Variants in DAB1 observed in about 807,000 individuals in gnomAD.
The protein encoded by DAB1 is DAB adaptor protein 1.
In DAB1, 15 loss-of-function variants were observed where a neutral mutation model predicts 64.6. That is an observed-to-expected ratio of 0.23 (90% CI 0.16 to 0.36). The LOEUF (loss-of-function observed/expected upper bound fraction) is 0.36, where lower values mean the gene tolerates loss of function less well. Among genes scored for constraint, DAB1 ranks in the 10% least tolerant of loss-of-function variants. The probability of loss-of-function intolerance (pLI) is 1.00; values close to 1 mark genes in which losing one functional copy is unlikely to be tolerated. For missense variants in DAB1, 596 were observed against 706.7 expected (o/e 0.84, Z 1.78); for synonymous variants, 235 against 251.9 (o/e 0.93, Z 0.64).
intron 2 of DAB1, among the ~76,000 whole-genome samples, chr1:57,166,402 A>G (rs1271942372): frequency 1.3e-5 from 2 of 152,204 alleles, no homozygotes; most frequent in Admixed American, 6.5e-5. Context: ...AGGCCTTTGT[A>G]TAACCTCGAG....
At chr1:57,823,275 G>T (rs576749182), downstream of DAB1, among the ~76,000 whole-genome samples, 1 of 151,902 alleles carries the variant, frequency 6.6e-6, no homozygotes, top group East Asian at 1.9e-4. Context: ...GAGCCACTGC[G>T]CCCAGCTGAA....
intron 4 of DAB1, among the ~76,000 whole-genome samples, chr1:58,220,909 T>C (rs748607295): frequency 7.1e-4 from 107 of 151,750 alleles, no homozygotes; most frequent in Admixed American, 2.3e-3. Context: ...ATTATCAATG[T>C]GAATACATTT....
intron 1 of DAB1, among the ~76,000 whole-genome samples, chr1:57,337,559 A>G (rs1230816858): frequency 6.6e-6 from 1 of 151,828 alleles, no homozygotes; most frequent in Non-Finnish European, 1.5e-5. Flanking sequence ...TGTCTCTCCT[A>G]TGTTTTTTTT....
chr1:57,248,727 G>A (rs1014549154), intron 2 of DAB1, among the ~76,000 whole-genome samples: 1 of 152,172 alleles, frequency 6.6e-6, no homozygotes, highest in African/African-American at 2.4e-5. Context: ...AATGAAGCAG[G>A]AAGGTCTCCT....
chr1:57,360,893 A>T (rs955638484), intron 1 of DAB1, among the ~76,000 whole-genome samples: 2 of 152,254 alleles, frequency 1.3e-5, no homozygotes, highest in Admixed American at 6.5e-5. Context: ...AATTCTGTTT[A>T]TCCATTATTT....
chr1:58,314,041 C>A (rs1253897115), intron 4 of DAB1, among the ~76,000 whole-genome samples: 1 of 152,108 alleles, frequency 6.6e-6, no homozygotes, highest in East Asian at 1.9e-4. Context: ...TTTTTCTTTG[C>A]CTCAGTCTCC....
intron 6 of DAB1, among the ~76,000 whole-genome samples, chr1:57,736,766 T>G (rs1647710927): frequency 6.6e-6 from 1 of 152,138 alleles, no homozygotes; most frequent in Admixed American, 6.5e-5. Flanking sequence ...TCTCACTCTT[T>G]CCATCTCCCT....
intron 4 of DAB1, among the ~76,000 whole-genome samples, chr1:57,107,283 G>C (rs1197208720): frequency 1.3e-5 from 2 of 151,746 alleles, no homozygotes; most frequent in East Asian, 3.9e-4. Flanking sequence ...GCTGAGGCAG[G>C]AGAATCGCTT....
At chr1:57,389,601 C>T (rs1161579844) in intron 1 of DAB1, among the ~76,000 whole-genome samples, 1 of 151,978 alleles carries the variant, frequency 6.6e-6, no homozygotes, top group Non-Finnish European at 1.5e-5. Context: ...CTGGGTCCAA[C>T]TCAACAAAAG....
chr1:58,311,618 G>C (rs1465347242), intron 4 of DAB1, among the ~76,000 whole-genome samples: 2 of 152,110 alleles, frequency 1.3e-5, no homozygotes, highest in East Asian at 3.9e-4. Flanking sequence ...TGGTTGGCCT[G>C]GGTGTGACTT....
At chr1:57,227,704 G>A (rs112806113) in intron 2 of DAB1, among the ~76,000 whole-genome samples, 2,463 of 152,140 alleles carry the variant, frequency 0.016, 56 homozygotes, top group African/African-American at 0.054. Flanking sequence ...CTACAGGTGT[G>A]CACCATTACA....
At chr1:58,404,473 T>C (rs1644598611) in intron 3 of DAB1, among the ~76,000 whole-genome samples, 2 of 152,204 alleles carry the variant, frequency 1.3e-5, no homozygotes, top group Non-Finnish European at 2.9e-5. Context: ...GATCATCACA[T>C]AGCCTCACAG....
At chr1:58,188,011 C>T (rs552142965) in intron 4 of DAB1, among the ~76,000 whole-genome samples, 3 of 151,728 alleles carry the variant, frequency 2.0e-5, no homozygotes, top group African/African-American at 4.8e-5. Flanking sequence ...CATATTCAAG[C>T]GATTCTCCTG....
chr1:57,556,722 C>T (rs985989462), intron 7 of DAB1, among the ~76,000 whole-genome samples: 1 of 152,166 alleles, frequency 6.6e-6, no homozygotes, highest in African/African-American at 2.4e-5. Context: ...TTCTCCCACT[C>T]TGTGGGTTGT....
intron 11 of DAB1, among the ~76,000 whole-genome samples, chr1:57,021,107 A>G (rs1403370369): frequency 6.6e-6 from 1 of 152,262 alleles, no homozygotes; most frequent in Non-Finnish European, 1.5e-5. Flanking sequence ...CAGTTCTGTC[A>G]TATTAACTAG....
intron 2 of DAB1, among the ~76,000 whole-genome samples, chr1:58,521,109 G>A (rs1237218410): frequency 6.6e-6 from 1 of 152,122 alleles, no homozygotes; most frequent in East Asian, 1.9e-4. Flanking sequence ...CAATCAGAGT[G>A]TAACTAAGCT....
At chr1:57,487,418 A>G (rs1414730356) in intron 7 of DAB1, among the ~76,000 whole-genome samples, 1 of 152,196 alleles carries the variant, frequency 6.6e-6, no homozygotes, top group East Asian at 1.9e-4. Context: ...CAACCACTGT[A>G]GATCCTTCAC....
At chr1:58,384,917 CA>C (rs1249430966) in intron 3 of DAB1, among the ~76,000 whole-genome samples, 2 of 152,202 alleles carry the variant, frequency 1.3e-5, no homozygotes, top group African/African-American at 4.8e-5. Context: ...GGTGCCCACC[CA>C]GATTGAGGAT....
chr1:58,372,547 T>C (rs958878760), intron 3 of DAB1, among the ~76,000 whole-genome samples: 4 of 152,156 alleles, frequency 2.6e-5, no homozygotes, highest in East Asian at 1.9e-4. Context: ...TAGGAAGGCA[T>C]GATTGGTTGT....
Sources: allele counts gnomAD v4.1 joint callset (sites outside exome capture counted in the v4.1 genomes callset), GRCh38; gene constraint gnomAD v4.1.1; transcripts MANE v1.5; gene names NCBI Gene and HGNC (gene_info 2026-07-23, HGNC 2026-07-21).